TRIM62: variants seen among roughly 807,000 people sequenced by gnomAD.
The protein encoded by TRIM62 is tripartite motif containing 62.
In TRIM62, 39 loss-of-function variants were observed where a neutral mutation model predicts 44.2. That is an observed-to-expected ratio of 0.88 (90% confidence interval 0.68 to 1.15). The LOEUF is 1.15. TRIM62 is among the 50% of genes most tolerant of loss of function. TRIM62 has a pLI of 0.00. For missense variants in TRIM62, 544 were observed against 665.5 expected (o/e 0.82, Z 2.01); for synonymous variants, 278 against 292.3 (o/e 0.95, Z 0.50).
chr1:33,160,045 G>C (rs1372483020), intron 2 of TRIM62, 101 bp from the exon 3 acceptor site: 28 of 1,471,450 alleles, frequency 1.9e-5, no homozygotes, highest in African/African-American at 4.2e-5. Flanking sequence ...GAGAGGAAAG[G>C]GTGGGAAAGG....
rs1645271433 is a variant in TRIM62, at chr1:33,161,751, C to T, written c.505-1807G>A. The stretch of plus-strand genomic sequence containing the variant: ...CCTGGAGCTGCCCTCCACAGGCGCC[C>T]AGACTCCGCAGCTACTCCTCTGGCT... On this transcript the variant is annotated intron_variant, in intron 2 of 4. Transcript: ENST00000291416. This position sits in a 1 kb window ranked among gnomAD's most constrained non-coding sequence, Gnocchi z 4.3. 6.6e-6 allele frequency among the ~76,000 whole-genome samples: 1 copy of T among 152,170 alleles called. No homozygotes were observed. The highest frequency in any genetic ancestry group is 1.5e-5 in the Non-Finnish European group (1 of 68,030).
rs1416875038 is a variant in TRIM62 at position 33,161,101 on chromosome 1, T to C, written c.505-1157A>G. ...TATCTGTGAAAGGAGTAACAAAAAC[T>C]GCATTGTAGGATTGTGGTGAAGATG... On this transcript the variant is annotated intron_variant, in intron 2 of 4. Coordinates refer to ENST00000291416, the MANE Select transcript of TRIM62 (RefSeq NM_018207.3). This position sits in a 1 kb window ranked among gnomAD's most constrained non-coding sequence, Gnocchi z 4.3. Among the ~76,000 whole-genome samples the C allele has an allele frequency of 6.6e-6, 1 of 152,240 alleles. No individual in the cohort carries two copies. The highest frequency in any genetic ancestry group is 2.4e-5 in the African/African-American group (1 of 41,470).
chr1:33,155,988 G>A (rs1432389256), intron 4 of TRIM62, among the ~76,000 whole-genome samples: 2 of 152,204 alleles, frequency 1.3e-5, no homozygotes, highest in East Asian at 1.9e-4. Flanking sequence ...GCCATCAGAA[G>A]AGAATCCCCC....
Position 33,167,995 on chromosome 1 carries a change from A to C in TRIM62, c.409-2429T>G, listed in dbSNP as rs1185526831. Among the ~76,000 whole-genome samples, 1 of 152,230 alleles carries C rather than the reference A, an allele frequency of 6.6e-6. No individual in the cohort carries two copies. Among genetic ancestry groups the C allele is most frequent in the Non-Finnish European group, 1.5e-5 (1 of 68,048 alleles). ...GGGACTAGTCTGGTGGGGAAGACAG[A>C]CAACAAACAAGGAAAATAATAAAGG... On this transcript the variant is annotated intron_variant, in intron 1 of 4. Transcript: ENST00000291416. This position sits in a 1 kb window ranked among gnomAD's most constrained non-coding sequence, Gnocchi z 4.2.
rs1327419489 is a variant in TRIM62 at position 33,177,171 on chromosome 1, T to C, written c.408+3854A>G. Among the ~76,000 whole-genome samples, 1 of 152,170 alleles carries C rather than the reference T, an allele frequency of 6.6e-6. No homozygotes were observed. Among genetic ancestry groups the C allele is most frequent in the Non-Finnish European group, 1.5e-5 (1 of 68,028 alleles). Reference sequence around the variant, plus strand: ...CACCCACAGGTTACATAAAAATCCTTAGAACTGTATAGTAACTCCTGCCAT... The same window carrying C: ...CACCCACAGGTTACATAAAAATCCTCAGAACTGTATAGTAACTCCTGCCAT... On this transcript the variant is annotated intron_variant, in intron 1 of 4. Transcript: ENST00000291416. This position sits in a 1 kb window ranked among gnomAD's most constrained non-coding sequence, Gnocchi z 4.1.
At position 33,147,210 on chromosome 1, in the gene TRIM62, A is replaced by C. The variant is rs142450553; in HGVS notation, c.1395T>G (p.Val465=). The C allele has an allele frequency of 2.0e-5, 32 of 1,613,846 alleles. No homozygotes were observed. The African/African-American group carries it at 3.5e-4, about 17-fold the overall frequency. Residue 465 remains valine (V), a synonymous_variant, in exon 5 of 5, where the codon GTT becomes GTG. Coordinates refer to ENST00000291416, the MANE Select transcript of TRIM62 (RefSeq NM_018207.3). The surrounding 1 kb of genome is among the most constrained non-coding windows in gnomAD (Gnocchi z 8.1). ...PGQSHANGKN[V]QPLRINTVRI ...GGACGGTGTTGATCCGCAGCGGCTG[A>C]ACGTTCTTGCCATTGGCGTGGCTCT...
At chr1:33,176,556 A>G in intron 1 of TRIM62, 1 of 602,746 alleles carries the variant, frequency 1.7e-6, no homozygotes, top group South Asian at 1.8e-5. Context: ...TGAGACGGCC[A>G]GAGAGCCGGA....
intron 2 of TRIM62, chr1:33,163,727 G>A (rs1645299854): frequency 6.6e-6 from 1 of 152,298 alleles, no homozygotes; most frequent in Non-Finnish European, 1.5e-5. Flanking sequence ...CCTGAGGAGG[G>A]AGATCAGACA....
chr1:33,165,185 C>T lies in TRIM62; in HGVS notation c.504+286G>A, dbSNP rs1386037278. 3.1e-6 allele frequency: 1 copy of T among 321,402 alleles called. No homozygotes were observed. The highest frequency in any genetic ancestry group is 5.8e-6 in the Non-Finnish European group (1 of 171,918). The allele number at this position is 321,402 out of a possible 1,614,324, so 19.9% of individuals were successfully genotyped here. On this transcript the variant is annotated intron_variant, in intron 2 of 4. Transcript: ENST00000291416. This position sits in a 1 kb window ranked among gnomAD's most constrained non-coding sequence, Gnocchi z 4.0. ...GGTTTCCGGAGGGTCCCGGGACCCG[C>T]CTCAACTTCCACCCAAAGTGGGAAG...
In TRIM62 at chr1:33,159,781, C is replaced by A. The variant is rs570152510; in HGVS notation, c.668G>T (p.Arg223Leu). 4 of 1,613,620 alleles carry A rather than the reference C, an allele frequency of 2.5e-6. No homozygotes were observed. In the African/African-American group the frequency reaches 5.3e-5, roughly 22 times the overall value. Reference protein sequence around the residue: ...QKVQRYSQQLRKVQEGAQILQ... With the variant: ...QKVQRYSQQLLKVQEGAQILQ... Reference sequence around the variant, plus strand: ...GATCTGGGCTCCCTCCTGGACCTTGCGCAGCTGCTGGCTGTAGCGCTGGAC... The same window carrying A: ...GATCTGGGCTCCCTCCTGGACCTTGAGCAGCTGCTGGCTGTAGCGCTGGAC... Residue 223 changes from arginine (R) to leucine (L), a missense_variant, in exon 3 of 5, where the codon CGC (arginine) becomes CTC (leucine). Transcript: ENST00000291416. This position sits in a 1 kb window ranked among gnomAD's most constrained non-coding sequence, Gnocchi z 4.2.
chr1:33,159,666 G>T lies in TRIM62; in HGVS notation c.761+22C>A. ...GAGGAGGGGATGGTCAGCCGGGGAGGGCCCCGGCGGGTGGCACTTACCGCT... is the reference window on the plus strand; with the variant it reads ...GAGGAGGGGATGGTCAGCCGGGGAGTGCCCCGGCGGGTGGCACTTACCGCT... On this transcript the variant is annotated intron_variant, in intron 3 of 4. Coordinates refer to ENST00000291416, the MANE Select transcript of TRIM62 (RefSeq NM_018207.3). The surrounding 1 kb of genome is among the most constrained non-coding windows in gnomAD (Gnocchi z 4.2). 6.3e-7 allele frequency: 1 copy of T among 1,590,590 alleles called. No individual in the cohort carries two copies. The highest frequency in any genetic ancestry group is 1.1e-5 in the South Asian group (1 of 90,440).
At chr1:33,163,866 G>C (rs1203416992) in intron 2 of TRIM62, 2 of 152,572 alleles carry the variant, frequency 1.3e-5, no homozygotes, top group Non-Finnish European at 2.9e-5. Flanking sequence ...ACAGGAAGTG[G>C]GGCTGGGGGA....
intron 2 of TRIM62, chr1:33,164,790 C>CATTT (rs1645311462): frequency 6.6e-6 from 1 of 151,758 alleles, no homozygotes; most frequent in African/African-American, 2.4e-5. Flanking sequence ...TTCATTCATT[C>CATTT]ATTTTAGAGA....
At position 33,146,250 on chromosome 1, in the gene TRIM62, G is replaced by A. The variant is rs1488981793; in HGVS notation, c.*927C>T. On this transcript the variant is annotated 3_prime_UTR_variant, in exon 5 of 5. Coordinates refer to ENST00000291416, the MANE Select transcript of TRIM62 (RefSeq NM_018207.3). ...AAGTGGCTCTTGTTTTCTGCAGCAGGATCCTAACTGAGATAGATGCCAAGT... is the reference window on the plus strand; with the variant it reads ...AAGTGGCTCTTGTTTTCTGCAGCAGAATCCTAACTGAGATAGATGCCAAGT... The A allele has an allele frequency of 4.7e-6, 1 of 213,354 alleles. No individual in the cohort carries two copies. Among genetic ancestry groups the A allele is most frequent in the Non-Finnish European group, 9.5e-6 (1 of 104,804 alleles). 13.2% of individuals were successfully genotyped at this position (213,354 alleles called of 1,614,324 possible).
rs1645337741 is a variant in TRIM62, at chr1:33,167,356, C to CTTA, written c.409-1793_409-1791dup. Among the ~76,000 whole-genome samples, 1 of 152,180 alleles carries CTTA rather than the reference C, an allele frequency of 6.6e-6. No homozygotes were observed. The highest frequency in any genetic ancestry group is 1.5e-5 in the Non-Finnish European group (1 of 68,040). ...GAATCTTGTCTGGCTTGTTCCCTGCCTTATGCCCAGGGACTCAGTGATTAT... is the reference window on the plus strand; with the variant it reads ...GAATCTTGTCTGGCTTGTTCCCTGCCTTATTATGCCCAGGGACTCAGTGATTAT... On this transcript the variant is annotated intron_variant, in intron 1 of 4. Transcript: ENST00000291416. This position sits in a 1 kb window ranked among gnomAD's most constrained non-coding sequence, Gnocchi z 4.2.
chr1:33,164,620 C>A (rs766570188), intron 2 of TRIM62: 5 of 152,486 alleles, frequency 3.3e-5, no homozygotes, highest in African/African-American at 1.2e-4. Context: ...TCCCAAACCA[C>A]GGTAGCCAGA....
rs689187 is a variant in TRIM62, at chr1:33,146,289, C to T, written c.*888G>A. 130,650 of 186,006 alleles carry T rather than the reference C, an allele frequency of 0.7. 46,406 individuals carry two copies. Among genetic ancestry groups the T allele is most frequent in the Non-Finnish European group, 0.75 (66,259 of 88,256 alleles). The allele number at this position is 186,006 out of a possible 1,614,324, so 11.5% of individuals were successfully genotyped here. A position where few individuals can be genotyped will look rare whatever the true frequency, so the allele number is the denominator to read the frequency against. On this transcript the variant is annotated 3_prime_UTR_variant, in exon 5 of 5. Transcript: ENST00000291416. ...TAGATGCCAAGTCTGACAAGGGGTC[C>T]AGCCAACAGCCCCTCCCAGTGCTTG...
At chr1:33,152,746 G>A (rs1290187692) in intron 4 of TRIM62, among the ~76,000 whole-genome samples, 3 of 152,212 alleles carry the variant, frequency 2.0e-5, no homozygotes, top group Admixed American at 2.0e-4. Context: ...TTTTACAGAT[G>A]AGGAAACTGG....
At chr1:33,170,953 C>T (rs1005582810) in intron 1 of TRIM62, among the ~76,000 whole-genome samples, 1 of 152,246 alleles carries the variant, frequency 6.6e-6, no homozygotes, top group Non-Finnish European at 1.5e-5. Context: ...AGAGCGGTCA[C>T]TGTGTCCCGT....
Sources: allele counts gnomAD v4.1 joint callset (sites outside exome capture counted in the v4.1 genomes callset), GRCh38; gene constraint gnomAD v4.1.1; non-coding constraint Gnocchi (gnomAD v3.1); transcripts MANE v1.5; gene names NCBI Gene and HGNC (gene_info 2026-07-23, HGNC 2026-07-21).